The following CNNM2 variants were observed in gnomAD, a reference collection of about 807,000 sequenced individuals.
CNNM2 encodes the protein cyclin and CBS domain divalent metal cation transport mediator 2.
In CNNM2, 12 loss-of-function variants were observed where a neutral mutation model predicts 66.9. That is an observed-to-expected ratio of 0.18 (90% CI 0.11 to 0.29). The LOEUF (loss-of-function observed/expected upper bound fraction) is 0.29. CNNM2 is among the 10% of genes least tolerant of loss of function. The pLI is 1.00. For missense variants in CNNM2, 705 were observed against 1,167.7 expected (o/e 0.60, Z 5.77); for synonymous variants, 557 against 501.8 (o/e 1.11, Z -1.47).
chr10:102,942,993 TG>T (rs1379010461), intron 1 of CNNM2, among the ~76,000 whole-genome samples: 3 of 151,988 alleles, frequency 2.0e-5, no homozygotes, highest in Non-Finnish European at 4.4e-5. Context: ...GGGAAGCTGA[TG>T]GGGGTGGATC....
rs962552024 is a variant in CNNM2 at position 103,082,819 on chromosome 10, G to C, written c.*5639G>C. 1.3e-5 allele frequency: 2 copies of C among 152,256 alleles called. No individual in the cohort carries two copies. The highest frequency in any genetic ancestry group is 2.4e-5 in the African/African-American group (1 of 41,452). The allele number at this position is 152,256 out of a possible 1,614,324, so 9.4% of individuals were successfully genotyped here. A position where few individuals can be genotyped will look rare whatever the true frequency, so the allele number is the denominator to read the frequency against. ...GGCAGGGCCTCTCAAGTACCTCCAT[G>C]AAATATTTCCAAGGTGGTTTCTTGG... is the stretch of plus-strand genomic sequence containing the variant. On this transcript the variant is annotated 3_prime_UTR_variant, in exon 8 of 8. Coordinates refer to ENST00000369878, the MANE Select transcript of CNNM2 (RefSeq NM_017649.5).
At chr10:102,944,961 GGTTTT>G (rs781547484) in intron 1 of CNNM2, among the ~76,000 whole-genome samples, 3 of 135,312 alleles carry the variant, frequency 2.2e-5, no homozygotes, top group Non-Finnish European at 3.3e-5. Flanking sequence ...GGTTAAATAT[GGTTTT>G]GTTTTGTTTT....
chr10:102,941,178 T>C (rs1406598063), intron 1 of CNNM2, among the ~76,000 whole-genome samples: 1 of 152,240 alleles, frequency 6.6e-6, no homozygotes, highest in African/African-American at 2.4e-5. Context: ...TCTGCCAGGC[T>C]GATCTTCCTT....
intron 1 of CNNM2, among the ~76,000 whole-genome samples, chr10:102,986,195 A>G (rs1289539307): frequency 6.6e-6 from 1 of 152,212 alleles, no homozygotes; most frequent in Non-Finnish European, 1.5e-5. Context: ...CTCTACAACT[A>G]GATATTTGAC....
intron 4 of CNNM2, among the ~76,000 whole-genome samples, chr10:103,066,224 C>A (rs2065474395): frequency 6.6e-6 from 1 of 152,156 alleles, no homozygotes; most frequent in Admixed American, 6.5e-5. Context: ...TCAGTTTTCC[C>A]TGCTGCTCTC....
At chr10:102,949,643 G>A (rs1027311575) in intron 1 of CNNM2, among the ~76,000 whole-genome samples, 4 of 152,056 alleles carry the variant, frequency 2.6e-5, no homozygotes, top group African/African-American at 4.8e-5. Flanking sequence ...AAAAATACGC[G>A]CGTGGTGGCG....
intron 1 of CNNM2, among the ~76,000 whole-genome samples, chr10:103,033,501 G>A (rs2064869920): frequency 6.6e-6 from 1 of 150,776 alleles, no homozygotes; most frequent in Non-Finnish European, 1.5e-5. Flanking sequence ...GACAATCTAA[G>A]GTTTTTTTTA....
At chr10:103,025,933 G>GAT (rs1166601419) in intron 1 of CNNM2, among the ~76,000 whole-genome samples, 5 of 152,214 alleles carry the variant, frequency 3.3e-5, no homozygotes, top group Admixed American at 3.3e-4. Context: ...AACACTGGGA[G>GAT]ATGGGGGTCT....
At chr10:103,059,659 C>A (rs927381533) in intron 4 of CNNM2, among the ~76,000 whole-genome samples, 12 of 152,092 alleles carry the variant, frequency 7.9e-5, no homozygotes, top group Admixed American at 7.2e-4. Flanking sequence ...GCTCTACATG[C>A]TTTAAATAAC....
chr10:103,044,256 G>A (rs1042221259), intron 1 of CNNM2, among the ~76,000 whole-genome samples: 3 of 152,074 alleles, frequency 2.0e-5, no homozygotes, highest in African/African-American at 7.2e-5. Context: ...CAATGCTCAG[G>A]TTAAGAAAGG....
chr10:102,987,487 A>T (rs2063818974), intron 1 of CNNM2, among the ~76,000 whole-genome samples: 1 of 151,486 alleles, frequency 6.6e-6, no homozygotes, highest in Non-Finnish European at 1.5e-5. Context: ...CGCCTGGCTA[A>T]TTTTTTTGTA....
chr10:103,064,035 T>A (rs546902775), intron 4 of CNNM2, among the ~76,000 whole-genome samples: 1 of 152,318 alleles, frequency 6.6e-6, no homozygotes, highest in Admixed American at 6.5e-5. Context: ...CAGAAAAGCT[T>A]AAATCCTATA....
At chr10:102,930,029 T>C (rs1483436799) in intron 1 of CNNM2, among the ~76,000 whole-genome samples, 1 of 152,226 alleles carries the variant, frequency 6.6e-6, no homozygotes, top group African/African-American at 2.4e-5. Context: ...CCTGGAAATC[T>C]TAATTCAGTG....
intron 1 of CNNM2, among the ~76,000 whole-genome samples, chr10:102,978,188 C>T (rs993164683): frequency 2.0e-5 from 3 of 151,516 alleles, no homozygotes; most frequent in Non-Finnish European, 4.4e-5. Flanking sequence ...GGATGACGGA[C>T]GTAAGCCACC....
chr10:103,054,559 G>T lies in CNNM2; in HGVS notation c.1903+93G>T. ...CTGGGGTGGGTTGGGGGTGGACACTGGGAAATGGGGTGATAAGTAATGCCA... is the reference window on the plus strand; with the variant it reads ...CTGGGGTGGGTTGGGGGTGGACACTTGGAAATGGGGTGATAAGTAATGCCA... On this transcript the variant is annotated intron_variant, in intron 3 of 7. Coordinates refer to ENST00000369878, the MANE Select transcript of CNNM2 (RefSeq NM_017649.5). The surrounding 1 kb of genome is among the most constrained non-coding windows in gnomAD (Gnocchi z 5.2). 7.6e-7 allele frequency: 1 copy of T among 1,310,326 alleles called. No homozygotes were observed. Among genetic ancestry groups the T allele is most frequent in the Non-Finnish European group, 1.1e-6 (1 of 943,102 alleles). The allele number at this position is 1,310,326 out of a possible 1,614,324, so 81.2% of individuals were successfully genotyped here.
intron 1 of CNNM2, among the ~76,000 whole-genome samples, chr10:102,938,619 C>CAAAAA (rs10596673): frequency 3.1e-5 from 2 of 63,688 alleles, no homozygotes; most frequent in South Asian, 7.6e-4. Flanking sequence ...GACCCTGTCT[C>CAAAAA]AAAAAAAAAA....
In CNNM2 at chr10:103,073,868, CAAAAAAAAAA is replaced by C. The variant is rs61331007; in HGVS notation, c.2233+2046_2233+2055del. 1.0e-4 allele frequency among the ~76,000 whole-genome samples: 7 copies of C among 70,242 alleles called. No individual in the cohort carries two copies. The highest frequency in any genetic ancestry group is 1.7e-4 in the Non-Finnish European group (7 of 41,132). The allele number at this position is 70,242 out of a possible 152,430, so 46.1% of individuals were successfully genotyped here. ...TGGGCGACAGAGCGAGACTCCGTCT[CAAAAAAAAAA>C]AAAAAAAAAAAAAAAAGAATAGAAA... On this transcript the variant is annotated intron_variant, in intron 6 of 7. Transcript: ENST00000369878.
chr10:103,071,777 C>T lies in CNNM2; in HGVS notation c.2171C>T (p.Pro724Leu). ...CCTGTTTTTCTCCATTTTTCAGTTCCTTTGTCCCTGTCTCGTACCTTTGTT... is the reference window on the plus strand; with the variant it reads ...CCTGTTTTTCTCCATTTTTCAGTTCTTTTGTCCCTGTCTCGTACCTTTGTT... ...GVMALTASPV[P>L]LSLSRTFVVS... The change falls in exon 6 of 8, where the codon CCT becomes CTT. Residue 724 changes from proline (P) to leucine (L), a missense_variant. Pro to Leu is a moderately conservative substitution (Grantham distance 98). Around this residue, in one of 9 missense-constraint regions of CNNM2, gnomAD observed 194 missense variants for 227.6 expected, o/e 0.85. Transcript: ENST00000369878. 1 of 1,613,870 alleles carries T rather than the reference C, an allele frequency of 6.2e-7. No homozygotes were observed. Among genetic ancestry groups the T allele is most frequent in the Non-Finnish European group, 8.5e-7 (1 of 1,179,816 alleles).
chr10:102,939,916 T>A (rs539579228), intron 1 of CNNM2, among the ~76,000 whole-genome samples: 68 of 152,102 alleles, frequency 4.5e-4, no homozygotes, highest in African/African-American at 1.5e-3. Flanking sequence ...TGCAGTGATC[T>A]GAGATCGCGC....
Sources: allele counts gnomAD v4.1 joint callset (sites outside exome capture counted in the v4.1 genomes callset), GRCh38; gene constraint gnomAD v4.1.1; regional missense constraint gnomAD v4.1.1; non-coding constraint Gnocchi (gnomAD v3.1); transcripts MANE v1.5; gene names NCBI Gene and HGNC (gene_info 2026-07-23, HGNC 2026-07-21).